HSF2BP: variants seen among roughly 807,000 people sequenced by gnomAD.
The protein encoded by HSF2BP is heat shock transcription factor 2 binding protein.
Under a neutral mutation model 35.0 loss-of-function variants are expected in HSF2BP, and 35 were observed. The ratio of observed to expected loss-of-function variants is 1.00; its 90% confidence interval spans 0.76 to 1.32. The LOEUF (loss-of-function observed/expected upper bound fraction) is 1.32, where lower values mean the gene tolerates loss of function less well. HSF2BP is among the 40% of genes most tolerant of loss of function. HSF2BP has a pLI of 0.00. For missense variants in HSF2BP, 326 were observed against 321.7 expected (o/e 1.01, Z -0.10); for synonymous variants, 114 against 117.4 (o/e 0.97, Z 0.18).
intron 8 of HSF2BP, among the ~76,000 whole-genome samples, chr21:43,582,368 T>TGGGGGATGAGGGCCTGGTGA (rs2081763304): frequency 1.8e-5 from 1 of 54,398 alleles, no homozygotes; most frequent in Non-Finnish European, 3.6e-5. Flanking sequence ...AGACCTGCTG[T>TGGGGGATGAGGGCCTGGTGA]GGGGGATGAG....
Position 43,581,202 on chromosome 21 carries a change from C to T in HSF2BP, c.796+11023G>A, listed in dbSNP as rs528224716. On this transcript the variant is annotated intron_variant, in intron 8 of 8. Transcript: ENST00000291560. ...GAGATCGAGACCATCCTGGCTAACA[C>T]GGTGAAACCCTGTCTCTACTAAAAA... Among the ~76,000 whole-genome samples the T allele has an allele frequency of 1.6e-3, 237 of 152,122 alleles. 2 individuals carry two copies. The highest frequency in any genetic ancestry group is 5.3e-3 in the African/African-American group (222 of 41,526).
At chr21:43,596,135 C>A (rs7279958) in intron 7 of HSF2BP, among the ~76,000 whole-genome samples, 89,238 of 151,840 alleles carry the variant, frequency 0.59, 26,614 homozygotes, top group East Asian at 0.79. Flanking sequence ...GATAAAACTA[C>A]AAGAAAATGC....
chr21:43,647,417 G>C (rs890579534), intron 3 of HSF2BP, among the ~76,000 whole-genome samples: 1 of 152,034 alleles, frequency 6.6e-6, no homozygotes. Flanking sequence ...TTTTAGTAGA[G>C]ATGGGGTTTC....
chr21:43,582,548 C>T (rs2081770178), intron 8 of HSF2BP, among the ~76,000 whole-genome samples: 1 of 82,482 alleles, frequency 1.2e-5, no homozygotes. Context: ...TGAGGACCTG[C>T]TGAGGGAGAT....
chr21:43,600,955 ATTTG>A (rs1371126818), intron 7 of HSF2BP, among the ~76,000 whole-genome samples: 1 of 152,170 alleles, frequency 6.6e-6, no homozygotes, highest in Non-Finnish European at 1.5e-5. Context: ...CCATGGTGAG[ATTTG>A]TTTATGTTGA....
At chr21:43,641,263 T>C (rs900550385) in intron 4 of HSF2BP, among the ~76,000 whole-genome samples, 18 of 152,128 alleles carry the variant, frequency 1.2e-4, no homozygotes, top group Admixed American at 2.0e-4. Context: ...CCTCCCAAAG[T>C]GCTGGGATTA....
intron 4 of HSF2BP, among the ~76,000 whole-genome samples, chr21:43,640,662 G>A (rs779505151): frequency 6.6e-6 from 1 of 152,044 alleles, no homozygotes; most frequent in African/African-American, 2.4e-5. Context: ...CTATAGTTAC[G>A]CAAGATATCA....
intron 4 of HSF2BP, among the ~76,000 whole-genome samples, chr21:43,644,072 A>G (rs928393389): frequency 3.3e-5 from 5 of 152,264 alleles, no homozygotes; most frequent in Non-Finnish European, 7.3e-5. Flanking sequence ...TTTAAACATA[A>G]AAGTTAAAAG....
intron 7 of HSF2BP, among the ~76,000 whole-genome samples, chr21:43,610,328 G>A (rs745722349): frequency 1.3e-5 from 2 of 151,842 alleles, no homozygotes; most frequent in African/African-American, 4.8e-5. Context: ...AGTGGCTCAC[G>A]CTGTAATCCC....
At chr21:43,656,223 T>C (rs989192332) in intron 3 of HSF2BP, among the ~76,000 whole-genome samples, 2 of 152,224 alleles carry the variant, frequency 1.3e-5, no homozygotes, top group African/African-American at 4.8e-5. Flanking sequence ...CTATCTCTAC[T>C]GACAAGTAAA....
At chr21:43,652,212 G>A (rs1247866101) in intron 3 of HSF2BP, among the ~76,000 whole-genome samples, 3 of 152,066 alleles carry the variant, frequency 2.0e-5, no homozygotes, top group African/African-American at 7.2e-5. Flanking sequence ...AGACCAGCGT[G>A]GCCAATATGG....
At chr21:43,600,686 G>A (rs1002893451) in intron 7 of HSF2BP, among the ~76,000 whole-genome samples, 3 of 152,138 alleles carry the variant, frequency 2.0e-5, no homozygotes, top group African/African-American at 7.2e-5. Flanking sequence ...ATGTCAATTT[G>A]TATCTATTAT....
At position 43,658,268 on chromosome 21, in the gene HSF2BP, G is replaced by C; in HGVS notation, c.-172C>G. On this transcript the variant is annotated 5_prime_UTR_variant, in exon 2 of 9. Coordinates refer to ENST00000291560, the MANE Select transcript of HSF2BP (RefSeq NM_007031.2). ...GGCCTAGAGAGCGAGGAGTGGCCTT[G>C]GCGAGGTCCCTCTTTGGCTCTTCTG... 3 of 726,572 alleles carry C rather than the reference G, an allele frequency of 4.1e-6. No individual in the cohort carries two copies. In the South Asian group the frequency reaches 5.9e-5, roughly 14 times the overall value. 45.0% of individuals were successfully genotyped at this position (726,572 alleles called of 1,614,324 possible).
intron 5 of HSF2BP, among the ~76,000 whole-genome samples, chr21:43,632,807 T>C (rs2082499053): frequency 6.6e-6 from 1 of 152,194 alleles, no homozygotes; most frequent in African/African-American, 2.4e-5. Flanking sequence ...AAGTTCTATG[T>C]GGCTTTTCGA....
chr21:43,604,746 TCACA>T lies in HSF2BP; in HGVS notation c.692+9080_692+9083del, dbSNP rs756897084. Among the ~76,000 whole-genome samples, 376 of 82,808 alleles carry T rather than the reference TCACA, an allele frequency of 4.5e-3. 2 individuals carry two copies. Among genetic ancestry groups the T allele is most frequent in the Middle Eastern group, 0.018 (2 of 112 alleles). 54.3% of individuals were successfully genotyped at this position (82,808 alleles called of 152,430 possible). A position where few individuals can be genotyped will look rare whatever the true frequency, so the allele number is the denominator to read the frequency against. On this transcript the variant is annotated intron_variant, in intron 7 of 8. Coordinates refer to ENST00000291560, the MANE Select transcript of HSF2BP (RefSeq NM_007031.2). ...ACCACATACACCACACACACACCAC[TCACA>T]CACCATACGCACACCACTCGCATGC...
At chr21:43,625,555 A>T (rs568034459) in intron 6 of HSF2BP, among the ~76,000 whole-genome samples, 1 of 145,438 alleles carries the variant, frequency 6.9e-6, no homozygotes, top group East Asian at 2.0e-4. Context: ...AAAAAGGTTT[A>T]AAAAAAAAAA....
chr21:43,596,147 G>A (rs1415382843), intron 7 of HSF2BP, among the ~76,000 whole-genome samples: 1 of 152,040 alleles, frequency 6.6e-6, no homozygotes, highest in African/African-American at 2.4e-5. Flanking sequence ...AGAAAATGCT[G>A]ACCAGTCCAC....
chr21:43,629,014 T>C (rs1204013170), intron 6 of HSF2BP, among the ~76,000 whole-genome samples: 3 of 152,232 alleles, frequency 2.0e-5, no homozygotes, highest in African/African-American at 7.2e-5. Context: ...CTACTGTTCA[T>C]TGACAATGCA....
At chr21:43,616,369 T>C (rs1345469381) in intron 6 of HSF2BP, among the ~76,000 whole-genome samples, 39 of 152,154 alleles carry the variant, frequency 2.6e-4, no homozygotes, top group Admixed American at 2.6e-3. Flanking sequence ...GAAGGCCAGA[T>C]GTGGTGGCTC....
Sources: allele counts gnomAD v4.1 joint callset (sites outside exome capture counted in the v4.1 genomes callset), GRCh38; gene constraint gnomAD v4.1.1; transcripts MANE v1.5; gene names NCBI Gene and HGNC (gene_info 2026-07-23, HGNC 2026-07-21).